Variants in RHBDD1 observed in about 807,000 individuals in gnomAD.
RHBDD1 encodes rhomboid-related protein 4.
A neutral mutation model predicts 36.3 loss-of-function variants in RHBDD1; 38 were observed. The observed-to-expected ratio is 1.05, with a 90% confidence interval of 0.81 to 1.37. RHBDD1 has a LOEUF of 1.37. Ranked by LOEUF, RHBDD1 falls within the 40% of genes most tolerant of loss-of-function variation. The pLI is 0.00. For missense variants in RHBDD1, 393 were observed against 377.6 expected, an observed-to-expected ratio of 1.04 and a Z score of -0.34; for synonymous variants, 151 against 136.5, an observed-to-expected ratio of 1.11 and a Z score of -0.74.
At chr2:226,879,792 C>T (rs549742378) in intron 5 of RHBDD1, among the ~76,000 whole-genome samples, 10 of 152,240 alleles carry the variant, frequency 6.6e-5, no homozygotes, top group African/African-American at 2.2e-4. Context: ...CCAAATTAGT[C>T]ATTCTTAGAA....
chr2:226,861,549 G>T (rs929220903), intron 3 of RHBDD1, among the ~76,000 whole-genome samples: 59 of 152,296 alleles, frequency 3.9e-4, no homozygotes, highest in African/African-American at 1.4e-3. Flanking sequence ...AGTTAGTTTT[G>T]ATTTTCTGCT....
At chr2:226,905,051 G>A (rs1398079146) in intron 5 of RHBDD1, among the ~76,000 whole-genome samples, 1 of 152,062 alleles carries the variant, frequency 6.6e-6, no homozygotes, top group Non-Finnish European at 1.5e-5. Context: ...GCCACATAAA[G>A]GCTATGTTCT....
intron 5 of RHBDD1, among the ~76,000 whole-genome samples, chr2:226,883,648 C>G (rs1324523426): frequency 5.3e-5 from 8 of 152,192 alleles, no homozygotes; most frequent in Admixed American, 1.3e-4. Flanking sequence ...ACTTAACTAA[C>G]TAGGCTTGTT....
intron 8 of RHBDD1, among the ~76,000 whole-genome samples, chr2:226,958,738 GT>G (rs1951965284): frequency 6.6e-6 from 1 of 150,922 alleles, no homozygotes; most frequent in East Asian, 1.9e-4. Context: ...GTGTGTGTGT[GT>G]GTGTGTAAAT....
chr2:226,818,374 G>T, the RHBDD1 span, among the ~76,000 whole-genome samples: 1 of 150,258 alleles, frequency 6.7e-6, no homozygotes, highest in Non-Finnish European at 1.5e-5. Flanking sequence ...CACTGTGTTA[G>T]CCAGGATGGT....
At chr2:226,980,819 T>G (rs886670115) in intron 8 of RHBDD1, among the ~76,000 whole-genome samples, 10 of 152,238 alleles carry the variant, frequency 6.6e-5, no homozygotes, top group Admixed American at 6.5e-4. Context: ...AAAATTTAGT[T>G]CTGGAGTTTT....
intron 5 of RHBDD1, among the ~76,000 whole-genome samples, chr2:226,896,755 A>G (rs1575000975): frequency 6.6e-6 from 1 of 151,000 alleles, no homozygotes; most frequent in African/African-American, 2.4e-5. Flanking sequence ...GTGAGTTTCT[A>G]AATCCGTGCA....
At chr2:226,954,356 T>C (rs1326630260) in intron 8 of RHBDD1, among the ~76,000 whole-genome samples, 1 of 152,236 alleles carries the variant, frequency 6.6e-6, no homozygotes, top group Non-Finnish European at 1.5e-5. Context: ...GAGTACCTAC[T>C]ATGATCAAGA....
upstream of RHBDD1, among the ~76,000 whole-genome samples, chr2:226,835,420 C>G (rs1030050625): frequency 2.6e-5 from 4 of 152,234 alleles, no homozygotes; most frequent in Non-Finnish European, 5.9e-5. Context: ...CAGTCCCAGA[C>G]CCAAGCTTCT....
intron 5 of RHBDD1, chr2:226,869,160 T>TG (rs1461082723): frequency 1.0e-6 from 1 of 985,100 alleles, no homozygotes; most frequent in African/African-American, 1.7e-5. Context: ...CCAACTTACA[T>TG]GGAAAAGGGA....
At chr2:226,842,101 A>G (rs1941702782) in intron 3 of RHBDD1, among the ~76,000 whole-genome samples, 1 of 152,040 alleles carries the variant, frequency 6.6e-6, no homozygotes, top group African/African-American at 2.4e-5. Flanking sequence ...TTTTCTTTTG[A>G]GAAGTGTCTG....
chr2:226,858,874 A>T (rs1359760102), intron 3 of RHBDD1, among the ~76,000 whole-genome samples: 1 of 152,192 alleles, frequency 6.6e-6, no homozygotes, highest in African/African-American at 2.4e-5. Flanking sequence ...TCTAGTCTGT[A>T]TTATTACATA....
At chr2:226,918,096 T>TA (rs1949042043) in intron 8 of RHBDD1, among the ~76,000 whole-genome samples, 1 of 152,036 alleles carries the variant, frequency 6.6e-6, no homozygotes, top group Non-Finnish European at 1.5e-5. Context: ...TCCAAAGACT[T>TA]ATAAGTGACC....
At chr2:226,977,019 T>G (rs991835430) in intron 8 of RHBDD1, among the ~76,000 whole-genome samples, 1 of 152,206 alleles carries the variant, frequency 6.6e-6, no homozygotes, top group Non-Finnish European at 1.5e-5. Context: ...GGTTTACCCT[T>G]CAGGCTGGGA....
At chr2:226,839,170 CA>C (rs1377473660) in intron 2 of RHBDD1, among the ~76,000 whole-genome samples, 11 of 151,950 alleles carry the variant, frequency 7.2e-5, no homozygotes, top group African/African-American at 2.4e-4. Context: ...TGTATGAGTG[CA>C]GAAAATACTT....
rs370138008 is a variant in RHBDD1, at chr2:226,914,364, C to T, written c.856+13C>T. On this transcript the variant is annotated intron_variant, in intron 8 of 8. Transcript: ENST00000392062. ...CTCTGGGACCGAGGTAGGAGTCTTG[C>T]GCCCTTCAGTTATTTTAAAGCATAC... 31 of 1,607,632 alleles carry T rather than the reference C, an allele frequency of 1.9e-5. No individual in the cohort carries two copies. The highest frequency in any genetic ancestry group is 1.7e-4 in the Middle Eastern group (1 of 6,040).
At chr2:226,942,241 CTTT>C (rs11449035) in intron 8 of RHBDD1, among the ~76,000 whole-genome samples, 2 of 142,272 alleles carry the variant, frequency 1.4e-5, no homozygotes, top group Admixed American at 7.0e-5. Flanking sequence ...TCGTGATCAT[CTTT>C]TTTTTTTTTT....
At chr2:226,960,299 T>A (rs991301682) in intron 8 of RHBDD1, among the ~76,000 whole-genome samples, 2 of 152,256 alleles carry the variant, frequency 1.3e-5, no homozygotes, top group Non-Finnish European at 2.9e-5. Flanking sequence ...ATTGTGATTT[T>A]CATGTATGTT....
chr2:226,921,177 T>G (rs1949281865), intron 8 of RHBDD1, among the ~76,000 whole-genome samples: 1 of 152,184 alleles, frequency 6.6e-6, no homozygotes, highest in Non-Finnish European at 1.5e-5. Context: ...TAACAGTCCT[T>G]TGAATTTCTG....
Sources: allele counts gnomAD v4.1 joint callset (sites outside exome capture counted in the v4.1 genomes callset), GRCh38; gene constraint gnomAD v4.1.1; transcripts MANE v1.5; gene names NCBI Gene and HGNC (gene_info 2026-07-23, HGNC 2026-07-21).